ZNF704: variants seen among roughly 807,000 people sequenced by gnomAD.
ZNF704 encodes the protein zinc finger protein 704.
ZNF704 carries 10 observed loss-of-function variants against 44.7 expected under a neutral mutation model. The observed-to-expected ratio is 0.22, with a 90% CI of 0.14 to 0.38. ZNF704 has a LOEUF of 0.38. ZNF704 is among the 10% of genes least tolerant of loss of function. ZNF704 has a pLI of 1.00. For missense variants in ZNF704, 390 were observed against 545.5 expected (o/e 0.71, Z 2.84); for synonymous variants, 211 against 207.6 (o/e 1.02, Z -0.14).
At chr8:80,661,534 T>C (rs755928937) in intron 6 of ZNF704, among the ~76,000 whole-genome samples, 3 of 152,122 alleles carry the variant, frequency 2.0e-5, no homozygotes, top group Non-Finnish European at 4.4e-5. Flanking sequence ...AAAGATAATA[T>C]GGAATCAACC....
chr8:80,719,182 C>G (rs903471956), intron 2 of ZNF704, among the ~76,000 whole-genome samples: 1 of 151,938 alleles, frequency 6.6e-6, no homozygotes, highest in Non-Finnish European at 1.5e-5. Flanking sequence ...TGCCATGTTG[C>G]CCAGGCTGCT....
intron 3 of ZNF704, among the ~76,000 whole-genome samples, 170 bp downstream of exon 3, chr8:80,692,834 A>T (rs914586247): frequency 1.3e-5 from 2 of 152,130 alleles, no homozygotes; most frequent in African/African-American, 2.4e-5. Flanking sequence ...GAAGATGAAG[A>T]GGGGGCTGAC....
chr8:80,829,169 G>T (rs1808428049), intron 1 of ZNF704, among the ~76,000 whole-genome samples: 1 of 152,122 alleles, frequency 6.6e-6, no homozygotes, highest in Non-Finnish European at 1.5e-5. Context: ...GCAATAGAAA[G>T]ACATAAAATA....
chr8:80,850,787 A>G (rs924014461), intron 1 of ZNF704, among the ~76,000 whole-genome samples: 1 of 152,100 alleles, frequency 6.6e-6, no homozygotes, highest in African/African-American at 2.4e-5. Flanking sequence ...TATACTGCAA[A>G]TACATGCATA....
At chr8:80,729,591 T>C (rs376820452) in intron 2 of ZNF704, among the ~76,000 whole-genome samples, 2 of 152,270 alleles carry the variant, frequency 1.3e-5, no homozygotes, top group East Asian at 3.9e-4. Flanking sequence ...TGGGAGTCAA[T>C]CATTTTTCTG....
rs34235471 is a variant in ZNF704 at position 80,866,381 on chromosome 8, TA to T, written c.-22+8189del. Among the ~76,000 whole-genome samples, 169 of 152,096 alleles carry T rather than the reference TA, an allele frequency of 1.1e-3. 1 individual carries two copies. Among genetic ancestry groups the T allele is most frequent in the Non-Finnish European group, 1.5e-3 (101 of 68,022 alleles). ...TCCTGTGTGTACAGCAGGAACCTGGTAAACAGTGGGGCTCAATAAATATCTC... is the reference window on the plus strand; with the variant it reads ...TCCTGTGTGTACAGCAGGAACCTGGTAACAGTGGGGCTCAATAAATATCTC... On this transcript the variant is annotated intron_variant, in intron 1 of 8. Coordinates refer to ENST00000327835, the MANE Select transcript of ZNF704 (RefSeq NM_001033723.3).
At chr8:80,713,007 T>C (rs1819012348) in intron 2 of ZNF704, among the ~76,000 whole-genome samples, 1 of 151,678 alleles carries the variant, frequency 6.6e-6, no homozygotes, top group Non-Finnish European at 1.5e-5. Context: ...GGGATTCTCC[T>C]GCCTCAGCCT....
In ZNF704 at chr8:80,636,794, A is replaced by T. The variant is rs955903330; in HGVS notation, c.*4572T>A. 6.6e-6 allele frequency: 1 copy of T among 152,190 alleles called. No homozygotes were observed. Among genetic ancestry groups the T allele is most frequent in the Non-Finnish European group, 1.5e-5 (1 of 68,036 alleles). The allele number at this position is 152,190 out of a possible 1,614,324, so 9.4% of individuals were successfully genotyped here. On this transcript the variant is annotated 3_prime_UTR_variant, in exon 9 of 9. Coordinates refer to ENST00000327835, the MANE Select transcript of ZNF704 (RefSeq NM_001033723.3). ...TTCACACAGGTCAGTGCTACAGAAG[A>T]TGTGGTCGATAGCAATTCTACAGGG...
At chr8:80,758,655 G>A (rs532231536) in intron 2 of ZNF704, among the ~76,000 whole-genome samples, 6 of 151,930 alleles carry the variant, frequency 3.9e-5, no homozygotes, top group South Asian at 4.2e-4. Flanking sequence ...ACTGTCTTAC[G>A]TGTGCTATCT....
At chr8:80,697,110 G>A (rs1818738590) in intron 2 of ZNF704, among the ~76,000 whole-genome samples, 1 of 152,196 alleles carries the variant, frequency 6.6e-6, no homozygotes, top group Non-Finnish European at 1.5e-5. Context: ...AACACATCAA[G>A]GAAGGGAAGC....
At position 80,693,258 on chromosome 8, in the gene ZNF704, G is replaced by A. The variant is rs117061349; in HGVS notation, c.222-151C>T. 3,116 of 668,372 alleles carry A rather than the reference G, an allele frequency of 4.7e-3. 24 individuals are homozygous for A. Among genetic ancestry groups the A allele is most frequent in the South Asian group, 0.015 (853 of 55,374 alleles). The allele number at this position is 668,372 out of a possible 1,614,324, so 41.4% of individuals were successfully genotyped here. ...GCTTTATTTTATAGATGAGGAAGCT[G>A]AAGCCCATGAAGTGAAGTGTTTCAG... On this transcript the variant is annotated intron_variant, in intron 2 of 8. Coordinates refer to ENST00000327835, the MANE Select transcript of ZNF704 (RefSeq NM_001033723.3).
At chr8:80,657,779 G>A (rs576112816) in intron 7 of ZNF704, among the ~76,000 whole-genome samples, 12 of 151,144 alleles carry the variant, frequency 7.9e-5, no homozygotes, top group African/African-American at 2.4e-4. Flanking sequence ...TCATATATAC[G>A]GAATGTTTTA....
chr8:80,821,294 G>A, intron 2 of ZNF704, 80 bp downstream of exon 2: 1 of 1,391,524 alleles, frequency 7.2e-7, no homozygotes, highest in Non-Finnish European at 1.0e-6. Context: ...ACTGAAGAGA[G>A]TCTGTACACT....
chr8:80,747,810 C>T (rs772741724), intron 2 of ZNF704, among the ~76,000 whole-genome samples: 1 of 152,138 alleles, frequency 6.6e-6, no homozygotes, highest in Non-Finnish European at 1.5e-5. Flanking sequence ...TCCACCTCCC[C>T]GATTCAAGCG....
At chr8:80,829,596 G>C (rs1414949627) in intron 1 of ZNF704, among the ~76,000 whole-genome samples, 1 of 152,008 alleles carries the variant, frequency 6.6e-6, no homozygotes, top group Admixed American at 6.6e-5. Context: ...CTAGCTTTTA[G>C]CTTCAAAAAT....
intron 1 of ZNF704, among the ~76,000 whole-genome samples, chr8:80,836,802 T>A (rs1808590676): frequency 1.3e-5 from 2 of 151,234 alleles, no homozygotes; most frequent in Admixed American, 6.6e-5. Context: ...AAAACAAAAC[T>A]AAACTAAACA....
chr8:80,867,220 G>T (rs1471421889), intron 1 of ZNF704, among the ~76,000 whole-genome samples: 1 of 152,150 alleles, frequency 6.6e-6, no homozygotes, highest in Non-Finnish European at 1.5e-5. Flanking sequence ...GCCCAGGCAG[G>T]ATTCAGAGGG....
chr8:80,733,969 T>C (rs1806624140), intron 2 of ZNF704, among the ~76,000 whole-genome samples: 1 of 152,160 alleles, frequency 6.6e-6, no homozygotes, highest in South Asian at 2.1e-4. Flanking sequence ...AAAGACGATA[T>C]GCATTTTTTT....
intron 2 of ZNF704, among the ~76,000 whole-genome samples, chr8:80,807,591 A>T (rs1262340756): frequency 6.6e-6 from 1 of 152,172 alleles, no homozygotes; most frequent in Non-Finnish European, 1.5e-5. Context: ...TGTTCAATAT[A>T]TGCGCTCGTT....
Sources: allele counts gnomAD v4.1 joint callset (sites outside exome capture counted in the v4.1 genomes callset), GRCh38; gene constraint gnomAD v4.1.1; transcripts MANE v1.5; gene names NCBI Gene and HGNC (gene_info 2026-07-23, HGNC 2026-07-21).